Variants in RORA observed in about 807,000 individuals in gnomAD.
RORA encodes RAR related orphan receptor A.
A neutral mutation model predicts 69.5 loss-of-function variants in RORA; 7 were observed. The observed-to-expected ratio is 0.10, with a 90% CI of 0.06 to 0.19. The LOEUF is 0.19. Ranked by LOEUF, RORA falls within the 10% of genes least tolerant of loss-of-function variation. RORA has a pLI of 1.00. For missense variants in RORA, 457 were observed against 663.0 expected, an observed-to-expected ratio of 0.69 and a Z score of 3.41; for synonymous variants, 261 against 240.8, an observed-to-expected ratio of 1.08 and a Z score of -0.78.
chr15:60,605,985 A>G (rs1455626919), intron 2 of RORA, among the ~76,000 whole-genome samples: 1 of 152,220 alleles, frequency 6.6e-6, no homozygotes, highest in African/African-American at 2.4e-5. Context: ...CTACTGAATG[A>G]CTTGTCAGCG....
rs183604181 is a variant in RORA at position 61,087,293 on chromosome 15, T to C, written c.166+141760A>G. ...ACAACACTTACACTTAAAGATGTGA[T>C]GTATAACATGTATACTCCAACCAAT... On this transcript the variant is annotated intron_variant, in intron 1 of 10. Transcript: ENST00000335670. Among the ~76,000 whole-genome samples the C allele has an allele frequency of 2.1e-3, 315 of 152,360 alleles. 1 individual carries two copies. The highest frequency in any genetic ancestry group is 6.8e-3 in the Middle Eastern group (2 of 294).
intron 1 of RORA, among the ~76,000 whole-genome samples, chr15:60,876,333 G>C (rs1434656341): frequency 6.7e-6 from 1 of 149,052 alleles, no homozygotes; most frequent in African/African-American, 2.5e-5. Context: ...GGGGCGGCTA[G>C]GAGACCACCA....
intron 1 of RORA, among the ~76,000 whole-genome samples, chr15:61,049,381 G>T (rs964718051): frequency 6.6e-6 from 1 of 152,002 alleles, no homozygotes; most frequent in South Asian, 2.1e-4. Context: ...AAATTCTTTC[G>T]GTGGACAAAC....
intron 1 of RORA, among the ~76,000 whole-genome samples, chr15:60,999,555 T>C (rs1013480575): frequency 6.6e-6 from 1 of 152,246 alleles, no homozygotes; most frequent in Non-Finnish European, 1.5e-5. Flanking sequence ...TGCCCTTCAT[T>C]ACATGGCAGG....
At chr15:60,716,402 G>A (rs2071219549) in intron 1 of RORA, among the ~76,000 whole-genome samples, 1 of 152,180 alleles carries the variant, frequency 6.6e-6, no homozygotes, top group South Asian at 2.1e-4. Flanking sequence ...ACAGCCTGTT[G>A]CACTGGTCCA....
At chr15:60,501,134 C>A in intron 8 of RORA, 65 bp from the exon 9 acceptor site, 1 of 839,996 alleles carries the variant, frequency 1.2e-6, no homozygotes, top group Admixed American at 2.2e-5. Context: ...AAACCTAGGT[C>A]TTAGGTTTTC....
intron 1 of RORA, among the ~76,000 whole-genome samples, chr15:61,059,995 GAAGAAGAAGAAGAAGAAGAAGAA>G (rs2078157363): frequency 1.9e-4 from 21 of 108,558 alleles, no homozygotes; most frequent in East Asian, 1.1e-3. Flanking sequence ...AGAGGAAGAA[GAAGAAGAAGAAGAAGAAGAAGAA>G]GAAGAAGAAG....
chr15:60,957,359 G>A (rs771057752), intron 1 of RORA, among the ~76,000 whole-genome samples: 1 of 152,210 alleles, frequency 6.6e-6, no homozygotes, highest in Non-Finnish European at 1.5e-5. Flanking sequence ...AAAGGCAGGT[G>A]AGGACTCCAT....
intron 2 of RORA, among the ~76,000 whole-genome samples, chr15:60,649,837 T>C (rs552301675): frequency 6.6e-5 from 10 of 152,200 alleles, no homozygotes; most frequent in Non-Finnish European, 1.5e-4. Flanking sequence ...AAACTCACCT[T>C]AACTTGGCCT....
intron 1 of RORA, among the ~76,000 whole-genome samples, chr15:60,893,214 C>T (rs1012134358): frequency 7.9e-5 from 12 of 152,196 alleles, no homozygotes; most frequent in African/African-American, 2.9e-4. Flanking sequence ...GAAGCAAATG[C>T]GAGCTGATGA....
chr15:60,897,117 T>A (rs1482601455), intron 1 of RORA, among the ~76,000 whole-genome samples: 2 of 152,018 alleles, frequency 1.3e-5, no homozygotes, highest in East Asian at 3.9e-4. Context: ...CAAGGAGAGT[T>A]CCAGTCACTT....
chr15:60,737,378 C>A (rs1453076499), intron 1 of RORA, among the ~76,000 whole-genome samples: 5 of 152,250 alleles, frequency 3.3e-5, no homozygotes, highest in South Asian at 2.1e-4. Flanking sequence ...TGGAAGAGCA[C>A]CACCTATTGG....
chr15:61,047,979 C>T (rs894760224), intron 1 of RORA, among the ~76,000 whole-genome samples: 1 of 152,174 alleles, frequency 6.6e-6, no homozygotes, highest in African/African-American at 2.4e-5. Flanking sequence ...CCCCAGAATG[C>T]AGAGGTGACT....
chr15:61,009,008 T>C (rs1453565206), intron 1 of RORA, among the ~76,000 whole-genome samples: 1 of 152,148 alleles, frequency 6.6e-6, no homozygotes, highest in East Asian at 1.9e-4. Flanking sequence ...GAGTCTCGGT[T>C]TCCTTATCTT....
chr15:60,530,196 A>T (rs2066486552), intron 3 of RORA: 1 of 152,286 alleles, frequency 6.6e-6, no homozygotes, highest in Non-Finnish European at 1.5e-5. Flanking sequence ...AGCTCCAAAA[A>T]TCAATGCGAT....
intron 6 of RORA, among the ~76,000 whole-genome samples, chr15:60,504,579 G>A (rs1294721002): frequency 6.6e-6 from 1 of 152,038 alleles, no homozygotes; most frequent in Non-Finnish European, 1.5e-5. Context: ...GGTGGATATG[G>A]GAGCCAGGAT....
intron 2 of RORA, among the ~76,000 whole-genome samples, chr15:60,639,321 C>T (rs745679224): frequency 3.1e-4 from 46 of 149,846 alleles, no homozygotes; most frequent in Non-Finnish European, 5.8e-4. Context: ...TAGTCCATTT[C>T]CCCCTTGAAT....
At chr15:61,141,426 CGA>C (rs1567008511) in intron 1 of RORA, among the ~76,000 whole-genome samples, 1 of 152,028 alleles carries the variant, frequency 6.6e-6, no homozygotes, top group African/African-American at 2.4e-5. Context: ...TTAGGACTAG[CGA>C]GAGACACCCA....
intron 1 of RORA, among the ~76,000 whole-genome samples, chr15:60,716,035 T>C (rs2071214306): frequency 1.3e-5 from 2 of 151,974 alleles, no homozygotes; most frequent in Non-Finnish European, 2.9e-5. Context: ...AGGCCAGTGC[T>C]TTTCAAAGTT....
Sources: gnomAD v4.1 joint callset for allele counts (sites outside exome capture counted in the v4.1 genomes callset) on GRCh38, gnomAD v4.1.1 for gene constraint, MANE v1.5 for transcripts, NCBI Gene and HGNC (gene_info 2026-07-23, HGNC 2026-07-21) for gene names.